Variants in LDB2 observed in about 807,000 individuals in gnomAD.
LDB2 encodes the protein LIM domain binding 2.
LDB2 carries 12 observed loss-of-function variants against 44.3 expected under a neutral mutation model. The observed-to-expected ratio is 0.27, with a 90% CI of 0.17 to 0.44. LDB2 has a LOEUF of 0.44. LDB2 is among the 20% of genes least tolerant of loss of function. The pLI is 1.00. For missense variants in LDB2, 344 were observed against 473.5 expected (o/e 0.73, Z 2.54); for synonymous variants, 164 against 174.8 (o/e 0.94, Z 0.49).
chr4:16,803,310 T>TAGAAA (rs1778203277), intron 1 of LDB2, among the ~76,000 whole-genome samples: 1 of 152,172 alleles, frequency 6.6e-6, no homozygotes, highest in Admixed American at 6.6e-5. Flanking sequence ...GGGAATCAGA[T>TAGAAA]AGAAAACATT....
chr4:16,839,186 G>C (rs779928616), intron 1 of LDB2, among the ~76,000 whole-genome samples: 1 of 131,570 alleles, frequency 7.6e-6, no homozygotes, highest in Non-Finnish European at 1.6e-5. Context: ...AAGAATACCT[G>C]AGACTGAGTT....
At chr4:16,674,879 T>C (rs545003787) in intron 2 of LDB2, among the ~76,000 whole-genome samples, 1 of 152,110 alleles carries the variant, frequency 6.6e-6, no homozygotes, top group South Asian at 2.1e-4. Context: ...GGGAGTATAC[T>C]TGGCTTCTGT....
intron 2 of LDB2, among the ~76,000 whole-genome samples, chr4:16,726,686 G>T (rs780219840): frequency 1.3e-5 from 2 of 152,176 alleles, no homozygotes; most frequent in Non-Finnish European, 2.9e-5. Flanking sequence ...ACTTTAAAGG[G>T]GAGGGAGGAC....
intron 1 of LDB2, among the ~76,000 whole-genome samples, chr4:16,860,447 G>C (rs1712147804): frequency 6.6e-6 from 1 of 152,138 alleles, no homozygotes; most frequent in Non-Finnish European, 1.5e-5. Flanking sequence ...AAACCCACAG[G>C]TCTCTATCTC....
At chr4:16,650,335 T>C (rs776919116) in intron 2 of LDB2, among the ~76,000 whole-genome samples, 11 of 152,344 alleles carry the variant, frequency 7.2e-5, no homozygotes, top group Middle Eastern at 3.4e-3. Flanking sequence ...TAGCACGTTT[T>C]TGATTATTAT....
chr4:16,812,893 T>C (rs975498008), intron 1 of LDB2, among the ~76,000 whole-genome samples: 3 of 151,960 alleles, frequency 2.0e-5, no homozygotes, highest in African/African-American at 7.3e-5. Context: ...TCTTCTAAGA[T>C]GGCGAAAAAA....
rs58125424 is a variant in LDB2 at position 16,699,419 on chromosome 4, G to A, written c.235+59739C>T. Among the ~76,000 whole-genome samples the A allele has an allele frequency of 7.2e-5, 11 of 152,242 alleles. No homozygotes were observed. In the East Asian group the frequency reaches 2.1e-3, roughly 29 times the overall value. On this transcript the variant is annotated intron_variant, in intron 2 of 7. Transcript: ENST00000304523. ...GTCAAGTAATAAGTATTTCTTTCCG[G>A]TTCATGGAGATAGGATGTTACTTCT... is the stretch of plus-strand genomic sequence containing the variant.
intron 5 of LDB2, among the ~76,000 whole-genome samples, chr4:16,565,540 T>C (rs1218933088): frequency 1.3e-5 from 2 of 151,974 alleles, no homozygotes; most frequent in African/African-American, 4.8e-5. Context: ...CCTTGCTTAA[T>C]GAAAAAATCT....
At chr4:16,714,453 A>T (rs1476434317) in intron 2 of LDB2, among the ~76,000 whole-genome samples, 4 of 152,114 alleles carry the variant, frequency 2.6e-5, no homozygotes, top group Non-Finnish European at 5.9e-5. Flanking sequence ...TTTTGCTGCC[A>T]GGACTACTCT....
chr4:16,608,221 A>T (rs1724501317), intron 2 of LDB2, among the ~76,000 whole-genome samples: 1 of 151,654 alleles, frequency 6.6e-6, no homozygotes, highest in Non-Finnish European at 1.5e-5. Context: ...AAAAAAAAAA[A>T]AAAAAAAGAC....
intron 2 of LDB2, among the ~76,000 whole-genome samples, chr4:16,730,233 T>G (rs1459200139): frequency 2.0e-5 from 3 of 152,186 alleles, no homozygotes. Context: ...CCTTTTGTAG[T>G]TCTGTTCAGC....
chr4:16,829,126 G>T (rs773226012), intron 1 of LDB2, among the ~76,000 whole-genome samples: 19 of 152,150 alleles, frequency 1.2e-4, no homozygotes, highest in Non-Finnish European at 2.6e-4. Flanking sequence ...GTGTTAGTAA[G>T]TTCTTCTCTG....
At position 16,616,153 on chromosome 4, in the gene LDB2, T is replaced by C. The variant is rs1018775238; in HGVS notation, c.236-20278A>G. 2.2e-4 allele frequency among the ~76,000 whole-genome samples: 34 copies of C among 152,080 alleles called. 1 individual carries two copies. The highest frequency in any genetic ancestry group is 4.4e-5 in the Non-Finnish European group (3 of 68,026). Reference sequence around the variant, plus strand: ...ACCATTCCCCCACAAGAATACAAGCTCCAGAAAGGGAAGAACCATGTCTTT... The same window carrying C: ...ACCATTCCCCCACAAGAATACAAGCCCCAGAAAGGGAAGAACCATGTCTTT... On this transcript the variant is annotated intron_variant, in intron 2 of 7. Coordinates refer to ENST00000304523, the MANE Select transcript of LDB2 (RefSeq NM_001290.5).
chr4:16,890,215 A>C lies in LDB2; in HGVS notation c.132+8139T>G, dbSNP rs948898853. On this transcript the variant is annotated intron_variant, in intron 1 of 7. Coordinates refer to ENST00000304523, the MANE Select transcript of LDB2 (RefSeq NM_001290.5). ...ATGGACCATCAGGAAGGAAGAGATCAATAGATTCTTAAAACCAGAGCAAGG... is the reference window on the plus strand; with the variant it reads ...ATGGACCATCAGGAAGGAAGAGATCCATAGATTCTTAAAACCAGAGCAAGG... 6.6e-5 allele frequency among the ~76,000 whole-genome samples: 10 copies of C among 152,352 alleles called. No individual in the cohort carries two copies. The East Asian group carries it at 1.5e-3, about 23-fold the overall frequency.
At chr4:16,746,063 C>T (rs565761853) in intron 2 of LDB2, among the ~76,000 whole-genome samples, 41 of 152,206 alleles carry the variant, frequency 2.7e-4, no homozygotes, top group Non-Finnish European at 5.6e-4. Context: ...GATGGAATGA[C>T]GCATGGTCAC....
intron 1 of LDB2, among the ~76,000 whole-genome samples, chr4:16,841,903 C>T (rs1183629567): frequency 1.3e-5 from 2 of 152,142 alleles, no homozygotes; most frequent in Admixed American, 6.5e-5. Context: ...GCATATGATG[C>T]AACCTAACAC....
intron 5 of LDB2, among the ~76,000 whole-genome samples, chr4:16,530,175 G>A (rs1379488938): frequency 6.6e-6 from 1 of 152,164 alleles, no homozygotes; most frequent in Non-Finnish European, 1.5e-5. Flanking sequence ...TTACAGTAGG[G>A]ACAGCTGAAG....
chr4:16,684,431 G>A (rs1340362072), intron 2 of LDB2, among the ~76,000 whole-genome samples: 1 of 152,156 alleles, frequency 6.6e-6, no homozygotes, highest in Non-Finnish European at 1.5e-5. Flanking sequence ...AACAAATGAA[G>A]AATGGCTGGA....
intron 1 of LDB2, among the ~76,000 whole-genome samples, chr4:16,885,306 G>C (rs1721343763): frequency 6.6e-6 from 1 of 151,930 alleles, no homozygotes; most frequent in Non-Finnish European, 1.5e-5. Context: ...CTGCACTCCA[G>C]CCTGGGGAGC....
Sources: allele counts gnomAD v4.1 joint callset (sites outside exome capture counted in the v4.1 genomes callset), GRCh38; gene constraint gnomAD v4.1.1; transcripts MANE v1.5; gene names NCBI Gene and HGNC (gene_info 2026-07-23, HGNC 2026-07-21).